IL1RAPL1: variants seen among roughly 807,000 people sequenced by gnomAD.
IL1RAPL1 encodes the protein interleukin 1 receptor accessory protein like 1, also known as interleukin-1 receptor accessory protein-like 1.
Under a neutral mutation model 48.4 loss-of-function variants are expected in IL1RAPL1, and 3 were observed. That is an observed-to-expected ratio of 0.06 (90% CI 0.03 to 0.16). The LOEUF is 0.16. Ranked by LOEUF, IL1RAPL1 falls within the 10% of genes least tolerant of loss-of-function variation. The pLI, the probability that IL1RAPL1 is intolerant of heterozygous loss-of-function variation, is 1.00. For synonymous variants in IL1RAPL1, 185 were observed against 187.7 expected (o/e 0.99, Z 0.12); for missense variants, 349 against 530.6 (o/e 0.66, Z 3.36).
At chrX:28,871,094 C>T (rs1443263585) in intron 2 of IL1RAPL1, among the ~76,000 whole-genome samples, 6 of 111,556 alleles carry the variant, frequency 5.4e-5, no homozygotes, top group Non-Finnish European at 1.1e-4. Flanking sequence ...TGGTTTTAGT[C>T]GGAGTTTATC....
intron 6 of IL1RAPL1, among the ~76,000 whole-genome samples, chrX:29,804,561 G>C (rs983184764): frequency 1.8e-5 from 2 of 111,573 alleles, no homozygotes; most frequent in Non-Finnish European, 3.8e-5. Context: ...CCCTGCACAA[G>C]TTCTCTTGCT....
chrX:29,803,244 T>C (rs1312840472), intron 6 of IL1RAPL1, among the ~76,000 whole-genome samples: 304 of 28,943 alleles, frequency 0.011, 4 homozygotes, highest in Middle Eastern at 0.059. Flanking sequence ...TGTATATATG[T>C]ATACATATAC....
intron 6 of IL1RAPL1, among the ~76,000 whole-genome samples, chrX:29,776,254 T>G (rs765336389): frequency 3.3e-4 from 37 of 111,586 alleles, no homozygotes; most frequent in Non-Finnish European, 5.8e-4. Flanking sequence ...ATGCACCTCC[T>G]TGTTCTCTTG....
rs764405081 is a variant in IL1RAPL1, at chrX:29,684,433, C to A, written c.778+15929C>A. ...CTAATACCTTCGTCACCTGCTGATA[C>A]CATCAGCTTGGTGATTAGGTTTCAA... is the stretch of plus-strand genomic sequence containing the variant. On this transcript the variant is annotated intron_variant, in intron 6 of 10. Transcript: ENST00000378993. Among the ~76,000 whole-genome samples, 3 of 111,828 alleles carry A rather than the reference C, an allele frequency of 2.7e-5. No individual in the cohort carries two copies. The South Asian group carries it at 1.1e-3, about 42-fold the overall frequency.
chrX:29,413,433 C>T (rs1237432963), intron 5 of IL1RAPL1, among the ~76,000 whole-genome samples: 1 of 109,785 alleles, frequency 9.1e-6, no homozygotes, highest in Non-Finnish European at 1.9e-5. Context: ...ATACATGTGC[C>T]ATGTTGGTGT....
At chrX:29,384,806 A>G (rs1287324400) in intron 3 of IL1RAPL1, among the ~76,000 whole-genome samples, 2 of 112,020 alleles carry the variant, frequency 1.8e-5, no homozygotes, top group East Asian at 5.6e-4. Flanking sequence ...GGCATAATAA[A>G]TAGACATTTG....
intron 5 of IL1RAPL1, among the ~76,000 whole-genome samples, chrX:29,516,940 T>A (rs1484472707): frequency 8.9e-6 from 1 of 111,846 alleles, no homozygotes; most frequent in African/African-American, 3.2e-5. Context: ...AGCATTTGTT[T>A]GCTCACTTTT....
chrX:28,893,173 TG>T (rs1302185737), intron 2 of IL1RAPL1, among the ~76,000 whole-genome samples: 2 of 111,262 alleles, frequency 1.8e-5, no homozygotes. Context: ...GGAATGAGAC[TG>T]GGGCCGAATA....
At chrX:29,836,290 A>C (rs1246261139) in intron 6 of IL1RAPL1, among the ~76,000 whole-genome samples, 1 of 107,204 alleles carries the variant, frequency 9.3e-6, no homozygotes, top group African/African-American at 3.5e-5. Flanking sequence ...TCCCGGGTTC[A>C]AGCCATTCTC....
intron 9 of IL1RAPL1, among the ~76,000 whole-genome samples, chrX:29,945,731 T>C (rs1286108308): frequency 8.9e-6 from 1 of 112,047 alleles, no homozygotes; most frequent in Non-Finnish European, 1.9e-5. Flanking sequence ...CAGGGACACA[T>C]TCACTCAGTT....
intron 3 of IL1RAPL1, among the ~76,000 whole-genome samples, chrX:29,289,027 A>G (rs985835320): frequency 1.8e-5 from 2 of 111,502 alleles, no homozygotes; most frequent in Non-Finnish European, 3.8e-5. Flanking sequence ...TTTTCTCATA[A>G]GTTTTTTTAA....
intron 2 of IL1RAPL1, among the ~76,000 whole-genome samples, chrX:28,901,232 A>G (rs1033414262): frequency 1.8e-5 from 2 of 111,972 alleles, no homozygotes; most frequent in Non-Finnish European, 3.8e-5. Context: ...CTAATTTTAT[A>G]CTATATAATT....
chrX:29,622,544 A>G (rs1225990239), intron 5 of IL1RAPL1, among the ~76,000 whole-genome samples: 1 of 111,724 alleles, frequency 9.0e-6, no homozygotes, highest in East Asian at 2.8e-4. Flanking sequence ...AATATGCATA[A>G]CTGCAGGGAC....
intron 2 of IL1RAPL1, among the ~76,000 whole-genome samples, chrX:29,238,506 T>A (rs1931350524): frequency 8.9e-6 from 1 of 111,769 alleles, no homozygotes; most frequent in African/African-American, 3.3e-5. Context: ...GTGACATTGC[T>A]TTCCCTCAAT....
intron 2 of IL1RAPL1, among the ~76,000 whole-genome samples, chrX:28,840,799 C>T (rs1371998557): frequency 9.1e-6 from 1 of 110,274 alleles, no homozygotes; most frequent in Non-Finnish European, 1.9e-5. Flanking sequence ...GACTAGAACC[C>T]CTGGAAGCTA....
chrX:29,743,300 CTA>C (rs1928254895), intron 6 of IL1RAPL1, among the ~76,000 whole-genome samples: 1 of 106,900 alleles, frequency 9.4e-6, no homozygotes, highest in Non-Finnish European at 1.9e-5. Flanking sequence ...TAAATCATAT[CTA>C]TACACACAAT....
chrX:29,745,964 T>C (rs971008883), intron 6 of IL1RAPL1, among the ~76,000 whole-genome samples: 2 of 112,017 alleles, frequency 1.8e-5, no homozygotes, highest in African/African-American at 6.5e-5. Flanking sequence ...TTTTTTTCTA[T>C]GCATACACAG....
At chrX:28,963,054 A>G (rs1000804603) in intron 2 of IL1RAPL1, among the ~76,000 whole-genome samples, 1 of 111,467 alleles carries the variant, frequency 9.0e-6, no homozygotes, top group African/African-American at 3.3e-5. Flanking sequence ...TACATGGGTA[A>G]TATGTTTTCT....
chrX:29,386,848 T>G lies in IL1RAPL1; in HGVS notation c.363-9410T>G, dbSNP rs1433753607. Among the ~76,000 whole-genome samples the G allele has an allele frequency of 2.7e-5, 3 of 112,245 alleles. No homozygotes were observed. The East Asian group carries it at 8.4e-4, about 31-fold the overall frequency. On this transcript the variant is annotated intron_variant, in intron 3 of 10. Transcript: ENST00000378993. ...ATGAGCCACCCTGCCCAGCCGTGAA[T>G]GAATTTTAAATGCTCAGTAAGTGAG...
Sources: allele counts gnomAD v4.1 joint callset (sites outside exome capture counted in the v4.1 genomes callset), GRCh38; gene constraint gnomAD v4.1.1; transcripts MANE v1.5; gene names NCBI Gene and HGNC (gene_info 2026-07-23, HGNC 2026-07-21).